The following ZBTB20 variants were observed in gnomAD, a reference collection of about 807,000 sequenced individuals.
ZBTB20 encodes the protein zinc finger and BTB domain-containing protein 20.
A neutral mutation model predicts 56.9 loss-of-function variants in ZBTB20; 9 were observed. The ratio of observed to expected loss-of-function variants is 0.16; its 90% CI spans 0.10 to 0.28. The LOEUF (loss-of-function observed/expected upper bound fraction) is 0.28. ZBTB20 is among the 10% of genes least tolerant of loss of function. ZBTB20 has a pLI of 1.00. For missense variants in ZBTB20, 655 were observed against 1,003.0 expected, an observed-to-expected ratio of 0.65 and a Z score of 4.69; for synonymous variants, 417 against 420.7, an observed-to-expected ratio of 0.99 and a Z score of 0.11.
chr3:115,021,621 CATATTT>C (rs2080209229), intron 2 of ZBTB20, among the ~76,000 whole-genome samples: 1 of 150,690 alleles, frequency 6.6e-6, no homozygotes, highest in Non-Finnish European at 1.5e-5. Flanking sequence ...CTCAAATGAA[CATATTT>C]GCATGTGTTA....
chr3:115,030,571 A>G (rs1343190588), intron 2 of ZBTB20, among the ~76,000 whole-genome samples: 2 of 151,186 alleles, frequency 1.3e-5, no homozygotes, highest in African/African-American at 4.8e-5. Flanking sequence ...GATTATTCCA[A>G]AATGAAGCTA....
chr3:114,448,061 A>G (rs1421750958), intron 7 of ZBTB20, among the ~76,000 whole-genome samples: 1 of 152,182 alleles, frequency 6.6e-6, no homozygotes, highest in African/African-American at 2.4e-5. Context: ...TCTAGCTGGC[A>G]GGTTGGGCAG....
intron 5 of ZBTB20, among the ~76,000 whole-genome samples, chr3:114,743,194 A>G (rs2066752992): frequency 6.6e-6 from 1 of 152,158 alleles, no homozygotes; most frequent in African/African-American, 2.4e-5. Flanking sequence ...CCCAAAGGGA[A>G]GTATAAAGCT....
Position 114,492,250 on chromosome 3 carries a change from T to C in ZBTB20, c.-255+8102A>G, listed in dbSNP as rs572517207. On this transcript the variant is annotated intron_variant, in intron 7 of 11. Transcript: ENST00000675478. Reference sequence around the variant, plus strand: ...ATATGTCGATTACCCTGAATTCATGTCTCCAGCCTTCATGTTACTTCTGAA... The same window carrying C: ...ATATGTCGATTACCCTGAATTCATGCCTCCAGCCTTCATGTTACTTCTGAA... Among the ~76,000 whole-genome samples the C allele has an allele frequency of 3.3e-4, 50 of 152,292 alleles. 1 individual carries two copies. In the South Asian group the frequency reaches 5.4e-3, roughly 16 times the overall value.
chr3:114,442,330 C>G (rs2090985619), intron 7 of ZBTB20, among the ~76,000 whole-genome samples: 1 of 152,022 alleles, frequency 6.6e-6, no homozygotes, highest in African/African-American at 2.4e-5. Context: ...AGAATGCTCC[C>G]TGGGATTATC....
chr3:115,079,715 T>A (rs2082729477), intron 1 of ZBTB20, among the ~76,000 whole-genome samples: 1 of 152,172 alleles, frequency 6.6e-6, no homozygotes, highest in African/African-American at 2.4e-5. Flanking sequence ...AAATCACAAA[T>A]GTTTATCAAG....
At chr3:114,943,295 T>G (rs2076779495) in intron 3 of ZBTB20, among the ~76,000 whole-genome samples, 1 of 144,948 alleles carries the variant, frequency 6.9e-6, no homozygotes. Context: ...GAAAATTAAA[T>G]CCCCATGGAA....
chr3:114,536,722 C>CT (rs2048506015), intron 6 of ZBTB20, among the ~76,000 whole-genome samples: 1 of 152,124 alleles, frequency 6.6e-6, no homozygotes, highest in Non-Finnish European at 1.5e-5. Flanking sequence ...AGGCATCACG[C>CT]TACCTGACTT....
At chr3:114,665,055 T>A (rs2060969766) in intron 6 of ZBTB20, among the ~76,000 whole-genome samples, 1 of 152,074 alleles carries the variant, frequency 6.6e-6, no homozygotes, top group Non-Finnish European at 1.5e-5. Flanking sequence ...TTTATCCAGG[T>A]GTGCAGAAAG....
At chr3:114,646,842 T>C (rs927285148) in intron 6 of ZBTB20, among the ~76,000 whole-genome samples, 13 of 152,326 alleles carry the variant, frequency 8.5e-5, no homozygotes, top group African/African-American at 3.1e-4. Context: ...GTAGAAGGGA[T>C]GGTTTAAGAG....
chr3:114,453,554 A>G (rs747808713), intron 7 of ZBTB20: 1 of 152,154 alleles, frequency 6.6e-6, no homozygotes, highest in African/African-American at 2.4e-5. Context: ...TATTTGATGG[A>G]CTTTTGTTCT....
intron 6 of ZBTB20, among the ~76,000 whole-genome samples, chr3:114,657,513 T>C (rs2060481118): frequency 6.6e-6 from 1 of 152,218 alleles, no homozygotes; most frequent in Non-Finnish European, 1.5e-5. Flanking sequence ...GCCAGAATGT[T>C]AGGGTAACTT....
intron 7 of ZBTB20, among the ~76,000 whole-genome samples, chr3:114,475,351 T>C (rs1341369365): frequency 6.6e-6 from 1 of 152,136 alleles, no homozygotes; most frequent in Non-Finnish European, 1.5e-5. Context: ...CATTTCACTT[T>C]TCACTATTAA....
At chr3:114,661,553 A>G (rs2060723108) in intron 6 of ZBTB20, among the ~76,000 whole-genome samples, 1 of 152,128 alleles carries the variant, frequency 6.6e-6, no homozygotes, top group African/African-American at 2.4e-5. Flanking sequence ...TGCTCTTAGC[A>G]CTGTTGTTCT....
intron 6 of ZBTB20, among the ~76,000 whole-genome samples, chr3:114,652,647 T>A (rs1207975488): frequency 6.6e-6 from 1 of 152,036 alleles, no homozygotes; most frequent in African/African-American, 2.4e-5. Context: ...TTCAACTTTA[T>A]TCTTTTTCTA....
At chr3:114,690,130 A>G (rs1390794239) in intron 6 of ZBTB20, among the ~76,000 whole-genome samples, 1 of 151,828 alleles carries the variant, frequency 6.6e-6, no homozygotes, top group Non-Finnish European at 1.5e-5. Flanking sequence ...TTTTTTTTCC[A>G]TGTGCTTTGC....
rs564689670 is a variant in ZBTB20, at chr3:115,054,287, G to C, written c.-507+16932C>G. 2.3e-3 allele frequency among the ~76,000 whole-genome samples: 357 copies of C among 152,172 alleles called. 2 individuals carry two copies. The highest frequency in any genetic ancestry group is 8.4e-3 in the African/African-American group (350 of 41,550). ...CAACATAGGTTGTTCCTTTTCATTTGTATTTCCAGGAAAGCGCTGAAATAA... is the reference window on the plus strand; with the variant it reads ...CAACATAGGTTGTTCCTTTTCATTTCTATTTCCAGGAAAGCGCTGAAATAA... On this transcript the variant is annotated intron_variant, in intron 2 of 11. Transcript: ENST00000675478.
intron 6 of ZBTB20, among the ~76,000 whole-genome samples, chr3:114,669,973 T>C (rs1052173477): frequency 1.3e-5 from 2 of 152,088 alleles, no homozygotes; most frequent in African/African-American, 4.8e-5. Context: ...TAAAGGAAAT[T>C]TGAAAATCAA....
chr3:115,118,692 A>G (rs1576805155), intron 1 of ZBTB20, among the ~76,000 whole-genome samples: 2 of 133,288 alleles, frequency 1.5e-5, no homozygotes, highest in South Asian at 4.8e-4. Context: ...CTAAAACTTT[A>G]CCTGGTACAA....
Sources: allele counts gnomAD v4.1 joint callset (sites outside exome capture counted in the v4.1 genomes callset), GRCh38; gene constraint gnomAD v4.1.1; transcripts MANE v1.5; gene names NCBI Gene and HGNC (gene_info 2026-07-23, HGNC 2026-07-21).